The following BRSK2 variants were observed in gnomAD, a reference collection of about 807,000 sequenced individuals.
The protein encoded by BRSK2 is serine/threonine-protein kinase BRSK2.
Under a neutral mutation model 83.3 loss-of-function variants are expected in BRSK2, and 19 were observed. The observed-to-expected ratio is 0.23, with a 90% CI of 0.16 to 0.33. BRSK2 has a LOEUF of 0.33. Ranked by LOEUF, BRSK2 falls within the 10% of genes least tolerant of loss-of-function variation. The probability of loss-of-function intolerance (pLI) is 1.00; values close to 1 mark genes in which losing one functional copy is unlikely to be tolerated. For synonymous variants in BRSK2, 519 were observed against 435.4 expected (o/e 1.19, Z -2.39); for missense variants, 798 against 1,042.3 (o/e 0.77, Z 3.23).
chr11:1,445,090 G>A (rs558214294), intron 9 of BRSK2, 88 bp downstream of exon 9: 14 of 1,551,400 alleles, frequency 9.0e-6, no homozygotes, highest in South Asian at 8.9e-5. Context: ...GGAGGGCGCC[G>A]GCCCAGCGCA....
chr11:1,459,302 G>C, intron 19 of BRSK2, 63 bp downstream of exon 19: 1 of 1,587,418 alleles, frequency 6.3e-7, no homozygotes, highest in Admixed American at 1.7e-5. Flanking sequence ...CCCTCAGCCC[G>C]CTGTGGCCGC....
At chr11:1,419,145 T>G (rs4881746) in intron 1 of BRSK2, among the ~76,000 whole-genome samples, 2 of 128,070 alleles carry the variant, frequency 1.6e-5, no homozygotes, top group Non-Finnish European at 1.7e-5. Flanking sequence ...TGGGCACTGG[T>G]GGCGGGGGGG....
intron 1 of BRSK2, among the ~76,000 whole-genome samples, chr11:1,408,764 GGTGT>G (rs59441591): frequency 1.3e-5 from 1 of 78,766 alleles, no homozygotes; most frequent in South Asian, 3.7e-4. Flanking sequence ...CCTGTGCAGG[GGTGT>G]GTGTGTGTGT....
chr11:1,448,926 G>T lies in BRSK2; in HGVS notation c.1227-850G>T, dbSNP rs150719515. On this transcript the variant is annotated intron_variant, in intron 12 of 19. Transcript: ENST00000528841. ...GCGAGGCCCCTCGTGGCCGGCTGGC[G>T]GTGGGCAGGCCTGGTGGGTAGTGCA... 5.3e-3 allele frequency among the ~76,000 whole-genome samples: 811 copies of T among 152,324 alleles called. 33 individuals carry two copies. The highest frequency in any genetic ancestry group is 0.044 in the Admixed American group (672 of 15,300).
At chr11:1,447,929 G>C (rs1279187857) in intron 12 of BRSK2, 1 of 1,472,734 alleles carries the variant, frequency 6.8e-7, no homozygotes, top group Admixed American at 1.9e-5. Flanking sequence ...CCTCAGGCCG[G>C]GCAGGCACAT....
rs4046760 is a variant in BRSK2, at chr11:1,396,175, G to A, written c.91+5800G>A. ...GTGTGTGTGGACCCCTGCGTCCCCCGCTCCTCGTCTCTCTTCCCTTCCACC... is the reference window on the plus strand; with the variant it reads ...GTGTGTGTGGACCCCTGCGTCCCCCACTCCTCGTCTCTCTTCCCTTCCACC... On this transcript the variant is annotated intron_variant, in intron 1 of 19. Transcript: ENST00000528841. Among the ~76,000 whole-genome samples the A allele has an allele frequency of 3.9e-3, 440 of 112,474 alleles. 7 individuals are homozygous for A. The highest frequency in any genetic ancestry group is 9.4e-3 in the Middle Eastern group (2 of 212). The allele number at this position is 112,474 out of a possible 152,430, so 73.8% of individuals were successfully genotyped here.
intron 16 of BRSK2, 87 bp from the exon 17 acceptor site, chr11:1,456,261 G>A: frequency 1.5e-6 from 2 of 1,352,748 alleles, no homozygotes; most frequent in East Asian, 2.5e-5. Context: ...GTGCACGGTG[G>A]GGCTGGCTCG....
At chr11:1,426,329 G>A (rs1849218098) in intron 1 of BRSK2, among the ~76,000 whole-genome samples, 1 of 149,838 alleles carries the variant, frequency 6.7e-6, no homozygotes, top group African/African-American at 2.5e-5. Flanking sequence ...TGTGTGTGGG[G>A]CGTGCTCTGC....
At position 1,421,466 on chromosome 11, in the gene BRSK2, G is replaced by A. The variant is rs999329195; in HGVS notation, c.92-14574G>A. ...TTGTTTGGGTGCTGGGTTAGGAGGC[G>A]GGAGCCAGGCAGAGGCAGCGGAGCG... On this transcript the variant is annotated intron_variant, in intron 1 of 19. Coordinates refer to ENST00000528841, the MANE Select transcript of BRSK2 (RefSeq NM_001256627.2). Among the ~76,000 whole-genome samples, 5 of 152,310 alleles carry A rather than the reference G, an allele frequency of 3.3e-5. 1 individual carries two copies. The East Asian group carries it at 5.8e-4, about 18-fold the overall frequency.
intron 1 of BRSK2, among the ~76,000 whole-genome samples, chr11:1,402,033 AG>A (rs1846512983): frequency 6.6e-6 from 1 of 152,206 alleles, no homozygotes; most frequent in Non-Finnish European, 1.5e-5. Context: ...GCAGACCCAC[AG>A]GACCCACCCC....
At chr11:1,402,738 A>T (rs1564796233) in intron 1 of BRSK2, among the ~76,000 whole-genome samples, 1 of 152,166 alleles carries the variant, frequency 6.6e-6, no homozygotes, top group African/African-American at 2.4e-5. Flanking sequence ...CCCCTCACTC[A>T]GGGACACAGG....
chr11:1,428,763 C>CGT (rs1182162807), intron 1 of BRSK2, among the ~76,000 whole-genome samples: 3 of 152,102 alleles, frequency 2.0e-5, no homozygotes, highest in African/African-American at 7.2e-5. Context: ...GGTATGTGCA[C>CGT]GAGTGTGTGT....
intron 1 of BRSK2, among the ~76,000 whole-genome samples, chr11:1,400,370 G>C (rs1307550924): frequency 1.3e-5 from 2 of 152,222 alleles, no homozygotes; most frequent in Non-Finnish European, 2.9e-5. Context: ...CTGGTTGGGG[G>C]ACCCCACTTG....
chr11:1,451,352 G>C lies in BRSK2; in HGVS notation c.1496-19G>C, dbSNP rs374428369. On this transcript the variant is annotated intron_variant, in intron 14 of 19. Transcript: ENST00000528841. The stretch of plus-strand genomic sequence containing the variant: ...GAGCGGTCACCACGCCTTTCCTCCT[G>C]TTCATCCTGTGTGCACAGTTCCGAC... 7.4e-6 allele frequency: 12 copies of C among 1,612,740 alleles called. No homozygotes were observed. The highest frequency in any genetic ancestry group is 1.1e-5 in the South Asian group (1 of 91,094).
At chr11:1,418,846 G>A (rs920401503) in intron 1 of BRSK2, among the ~76,000 whole-genome samples, 2 of 152,264 alleles carry the variant, frequency 1.3e-5, no homozygotes, top group African/African-American at 2.4e-5. Flanking sequence ...GACTGGGACT[G>A]GGGGTCCCTC....
chr11:1,399,817 C>G (rs1349176291), intron 1 of BRSK2, among the ~76,000 whole-genome samples: 1 of 152,166 alleles, frequency 6.6e-6, no homozygotes, highest in South Asian at 2.1e-4. Context: ...TTCCTTGGCA[C>G]CCTGGGGTGT....
At chr11:1,406,420 T>C (rs932732517) in intron 1 of BRSK2, among the ~76,000 whole-genome samples, 6 of 152,130 alleles carry the variant, frequency 3.9e-5, no homozygotes, top group African/African-American at 1.4e-4. Context: ...TGCAGTGAGC[T>C]GAGATCACGC....
intron 3 of BRSK2, among the ~76,000 whole-genome samples, chr11:1,440,399 G>A (rs1241538427): frequency 3.9e-5 from 6 of 152,102 alleles, no homozygotes; most frequent in African/African-American, 1.2e-4. Context: ...GGACCACAGG[G>A]TGTGAGGGCC....
chr11:1,435,235 G>A (rs1259849898), intron 1 of BRSK2, among the ~76,000 whole-genome samples: 22 of 133,700 alleles, frequency 1.6e-4, no homozygotes, highest in East Asian at 2.4e-4. Context: ...GGGTCTCAGC[G>A]GAGGAGGGGT....
Sources: gnomAD v4.1 joint callset for allele counts (sites outside exome capture counted in the v4.1 genomes callset) on GRCh38, gnomAD v4.1.1 for gene constraint, MANE v1.5 for transcripts, NCBI Gene and HGNC (gene_info 2026-07-23, HGNC 2026-07-21) for gene names.